The following ALS2CL variants were observed in gnomAD, a reference collection of about 807,000 sequenced individuals.
ALS2CL encodes ALS2 C-terminal like.
Under a neutral mutation model 127.9 loss-of-function variants are expected in ALS2CL, and 112 were observed. The ratio of observed to expected loss-of-function variants is 0.88; its 90% confidence interval spans 0.75 to 1.02. The LOEUF is 1.02. Ranked by LOEUF, ALS2CL falls within the 50% of genes least tolerant of loss-of-function variation. ALS2CL has a pLI of 0.00. For synonymous variants in ALS2CL, 519 were observed against 527.6 expected (o/e 0.98, Z 0.22); for missense variants, 1,174 against 1,236.7 (o/e 0.95, Z 0.76).
chr3:46,671,090 G>C (rs781210496), intron 25 of ALS2CL, 26 bp from the exon 26 acceptor site: 15 of 1,607,836 alleles, frequency 9.3e-6, no homozygotes, highest in Admixed American at 5.0e-5. Context: ...CAAGGCTGAG[G>C]CCAGTTGACC....
Position 46,680,468 on chromosome 3 carries a change from C to T in ALS2CL, c.1510G>A (p.Val504Ile), listed in dbSNP as rs765128047. The T allele has an allele frequency of 6.2e-6, 10 of 1,613,514 alleles. No homozygotes were observed. The highest frequency in any genetic ancestry group is 8.5e-7 in the Non-Finnish European group (1 of 1,180,016). The change falls in exon 14 of 26, where the codon GTC becomes ATC. Residue 504 changes from valine to isoleucine, a missense_variant. Transcript: ENST00000318962. ...GPGVMVTQAG[V>I]CYQGTFQADK... is the part of the protein sequence containing the mutation. Reference sequence around the variant, plus strand: ...GCCTGGAAGGTGCCCTGGTAGCAGACACCTGCCTGGGTGACCATGACCCCT... The same window carrying T: ...GCCTGGAAGGTGCCCTGGTAGCAGATACCTGCCTGGGTGACCATGACCCCT...
In ALS2CL at chr3:46,681,217, C is replaced by G; in HGVS notation, c.1436+29G>C. 1 of 1,613,660 alleles carries G rather than the reference C, an allele frequency of 6.2e-7. No individual in the cohort carries two copies. The highest frequency in any genetic ancestry group is 1.1e-5 in the South Asian group (1 of 91,080). On this transcript the variant is annotated intron_variant, in intron 13 of 25. Coordinates refer to ENST00000318962, the MANE Select transcript of ALS2CL (RefSeq NM_147129.5). This position sits in a 1 kb window ranked among gnomAD's most constrained non-coding sequence, Gnocchi z 4.9. ...GTGAGGGCCCGGTCCACCCCTCCGT[C>G]CTGGGAGTGGTGGCTGCAGGGCGCT...
At chr3:46,673,318 G>T (rs1698557443) in intron 22 of ALS2CL, 21 bp downstream of exon 22, 2 of 1,557,284 alleles carry the variant, frequency 1.3e-6, no homozygotes, top group Non-Finnish European at 1.7e-6. Context: ...CCCTGGCTTG[G>T]GGCTCTGGCC....
chr3:46,670,609 G>C lies in ALS2CL; in HGVS notation c.*375C>G. On this transcript the variant is annotated 3_prime_UTR_variant, in exon 26 of 26. Transcript: ENST00000318962. This position sits in a 1 kb window ranked among gnomAD's most constrained non-coding sequence, Gnocchi z 5.5. ...TGGAATTCAGCAAAATGAATGGAAGGTCCTTTACAGCGTACTCACTCCACC... is the reference window on the plus strand; with the variant it reads ...TGGAATTCAGCAAAATGAATGGAAGCTCCTTTACAGCGTACTCACTCCACC... The C allele has an allele frequency of 4.5e-6, 1 of 222,984 alleles. No individual in the cohort carries two copies. The highest frequency in any genetic ancestry group is 8.3e-5 in the South Asian group (1 of 11,996). 13.8% of individuals were successfully genotyped at this position (222,984 alleles called of 1,614,324 possible).
At position 46,678,315 on chromosome 3, in the gene ALS2CL, T is replaced by G. The variant is rs762091545; in HGVS notation, c.1701A>C (p.Thr567=). 7.6e-5 allele frequency: 122 copies of G among 1,612,508 alleles called. No individual in the cohort carries two copies. In the Middle Eastern group the frequency reaches 8.3e-4, roughly 11 times the overall value. Residue 567 remains threonine (T), a synonymous_variant, in exon 16 of 26, where the codon ACA becomes ACC. Transcript: ENST00000318962. ...GGGCAGCCGTGTCCAGCACACCCTGTGTGTGCAGTCCTCTCCCTGCCCCAC... is the reference window on the plus strand; with the variant it reads ...GGGCAGCCGTGTCCAGCACACCCTGGGTGTGCAGTCCTCTCCCTGCCCCAC... ...FGSGAGRGLH[T]QGVLDTAALP...
chr3:46,673,751 G>A (rs899144002), intron 21 of ALS2CL, among the ~76,000 whole-genome samples: 2 of 152,138 alleles, frequency 1.3e-5, no homozygotes, highest in Non-Finnish European at 2.9e-5. Context: ...CACTGAGGTG[G>A]TGAGGGAGGC....
Position 46,669,970 on chromosome 3 carries a change from A to C in ALS2CL, c.*1014T>G, listed in dbSNP as rs770745524. ...TAGGGAATGGGACCAAGAGTGATCC[A>C]GCTTCTTCTCCAGAGCTGCACCCTG... On this transcript the variant is annotated 3_prime_UTR_variant, in exon 26 of 26. Transcript: ENST00000318962. 2 of 152,284 alleles carry C rather than the reference A, an allele frequency of 1.3e-5. No individual in the cohort carries two copies. The highest frequency in any genetic ancestry group is 2.9e-5 in the Non-Finnish European group (2 of 68,112). The allele number at this position is 152,284 out of a possible 1,614,324, so 9.4% of individuals were successfully genotyped here.
intron 6 of ALS2CL, 64 bp from the exon 7 acceptor site, chr3:46,685,708 C>T (rs1699712847): frequency 1.9e-6 from 3 of 1,556,524 alleles, no homozygotes; most frequent in African/African-American, 2.7e-5. Flanking sequence ...GCCTGCCACT[C>T]TGCCACCTCC....
chr3:46,679,106 C>A lies in ALS2CL; in HGVS notation c.1626+104G>T. 3.3e-6 allele frequency: 4 copies of A among 1,219,618 alleles called. No homozygotes were observed. In the South Asian group the frequency reaches 5.8e-5, roughly 18 times the overall value. 75.5% of individuals were successfully genotyped at this position (1,219,618 alleles called of 1,614,324 possible). A position where few individuals can be genotyped will look rare whatever the true frequency, so the allele number is the denominator to read the frequency against. ...CTCCTTGGCTCCAAGGGAGGTGGGA[C>A]AGGCCCTCCCCTACCTGCCCCCAGC... is the stretch of plus-strand genomic sequence containing the variant. On this transcript the variant is annotated intron_variant, in intron 15 of 25. Coordinates refer to ENST00000318962, the MANE Select transcript of ALS2CL (RefSeq NM_147129.5).
At chr3:46,685,871 T>G (rs954177852) in intron 6 of ALS2CL, among the ~76,000 whole-genome samples, 1 of 152,166 alleles carries the variant, frequency 6.6e-6, no homozygotes, top group Non-Finnish European at 1.5e-5. Context: ...GCCCCAGCCA[T>G]GCCCCTATCA....
At position 46,686,554 on chromosome 3, in the gene ALS2CL, C is replaced by A; in HGVS notation, c.535-115G>T. 1 of 1,381,912 alleles carries A rather than the reference C, an allele frequency of 7.2e-7. No individual in the cohort carries two copies. The highest frequency in any genetic ancestry group is 9.8e-7 in the Non-Finnish European group (1 of 1,024,942). The allele number at this position is 1,381,912 out of a possible 1,614,324, so 85.6% of individuals were successfully genotyped here. ...TCTAGGCCAGACCTTGCCCTTCTCT[C>A]CCTGACAGCTCCTCTTCTGCTGGTG... On this transcript the variant is annotated intron_variant, in intron 5 of 25. Transcript: ENST00000318962. The surrounding 1 kb of genome is among the most constrained non-coding windows in gnomAD (Gnocchi z 4.3).
intron 9 of ALS2CL, 39 bp downstream of exon 9, chr3:46,683,743 T>C (rs1699547643): frequency 6.2e-7 from 1 of 1,608,490 alleles, no homozygotes; most frequent in East Asian, 2.2e-5. Flanking sequence ...CCCTGTCCTC[T>C]GACCCCGCTC....
At chr3:46,683,026 C>A (rs1699473259) in intron 10 of ALS2CL, 104 bp downstream of exon 10, 2 of 1,244,330 alleles carry the variant, frequency 1.6e-6, no homozygotes, top group Non-Finnish European at 2.1e-6. Context: ...CAGAGAGTAA[C>A]CGCTCCTGGA....
In ALS2CL at chr3:46,676,664, G is replaced by A. The variant is rs1053259377; in HGVS notation, c.2006C>T (p.Ala669Val). The A allele has an allele frequency of 5.6e-6, 9 of 1,613,362 alleles. No individual in the cohort carries two copies. In the African/African-American group the frequency reaches 1.2e-4, roughly 22 times the overall value. Residue 669 changes from alanine to valine, a missense_variant, in exon 18 of 26, where the codon GCC becomes GTC. Transcript: ENST00000318962. ...CACCTTCCTGAGGTACAGCTGCAGG[G>A]CCTTGGGCTCCCGGTGCTGCAGCAG... ...EELLQHREPK[A>V]LQLYLRKALS...
At chr3:46,688,399 G>T in intron 2 of ALS2CL, 103 bp from the exon 3 acceptor site, 3 of 1,129,548 alleles carry the variant, frequency 2.7e-6, no homozygotes, top group African/African-American at 1.6e-5. Context: ...ACCAGCACCG[G>T]CCAGCCCTGG....
rs751789966 is a variant in ALS2CL at position 46,675,588 on chromosome 3, G to A, written c.2255+30C>T. 11 of 1,607,812 alleles carry A rather than the reference G, an allele frequency of 6.8e-6. No individual in the cohort carries two copies. The South Asian group carries it at 1.2e-4, about 18-fold the overall frequency. ...GACGCATGAGGCCTCCCTGGACACG[G>A]CAGGCCCCAAGGAGACCTGCGCCAG... On this transcript the variant is annotated intron_variant, in intron 20 of 25. Transcript: ENST00000318962.
chr3:46,688,647 A>G (rs1290955054), intron 2 of ALS2CL, among the ~76,000 whole-genome samples: 1 of 152,210 alleles, frequency 6.6e-6, no homozygotes, highest in Non-Finnish European at 1.5e-5. Flanking sequence ...CAGAATGTGA[A>G]GTCCACAGGG....
chr3:46,684,083 C>T, intron 7 of ALS2CL, 36 bp from the exon 8 acceptor site: 1 of 1,549,468 alleles, frequency 6.5e-7, no homozygotes. Context: ...ATCCAGAGCC[C>T]AGGCCAGATG....
chr3:46,682,158 A>G, intron 10 of ALS2CL, 64 bp from the exon 11 acceptor site: 3 of 1,548,464 alleles, frequency 1.9e-6, no homozygotes, highest in Non-Finnish European at 2.7e-6. Flanking sequence ...TCAGCCACCT[A>G]CTTTCTCAGA....
Sources: gnomAD v4.1 joint callset for allele counts (sites outside exome capture counted in the v4.1 genomes callset) on GRCh38, gnomAD v4.1.1 for gene constraint, Gnocchi (gnomAD v3.1) non-coding constraint, MANE v1.5 for transcripts, NCBI Gene and HGNC (gene_info 2026-07-23, HGNC 2026-07-21) for gene names.